Variants in RBMS3 observed in about 807,000 individuals in gnomAD.
RBMS3 encodes RNA-binding motif, single-stranded-interacting protein 3.
Under a neutral mutation model 66.8 loss-of-function variants are expected in RBMS3, and 27 were observed. The observed-to-expected ratio is 0.40, with a 90% CI of 0.30 to 0.56. The LOEUF (loss-of-function observed/expected upper bound fraction) is 0.56. Ranked by LOEUF, RBMS3 falls within the 20% of genes least tolerant of loss-of-function variation. The pLI is 0.40. For missense variants in RBMS3, 513 were observed against 549.5 expected, an observed-to-expected ratio of 0.93 and a Z score of 0.66; for synonymous variants, 188 against 183.0, an observed-to-expected ratio of 1.03 and a Z score of -0.22.
chr3:29,952,806 G>T (rs1695771853), intron 12 of RBMS3, among the ~76,000 whole-genome samples: 1 of 151,768 alleles, frequency 6.6e-6, no homozygotes, highest in African/African-American at 2.4e-5. Context: ...TTATGTGCCT[G>T]CTCTGAGTCT....
intron 3 of RBMS3, among the ~76,000 whole-genome samples, chr3:29,495,876 G>A (rs528153717): frequency 1.3e-5 from 2 of 152,222 alleles, no homozygotes; most frequent in East Asian, 3.9e-4. Context: ...GTGGTGAAAT[G>A]TTTAAGTGGA....
Position 29,884,235 on chromosome 3 carries a change from T to G in RBMS3, c.791+27T>G, listed in dbSNP as rs201888280. 22 of 1,573,074 alleles carry G rather than the reference T, an allele frequency of 1.4e-5. No individual in the cohort carries two copies. The African/African-American group carries it at 2.4e-4, about 17-fold the overall frequency. On this transcript the variant is annotated intron_variant, in intron 8 of 14. Coordinates refer to ENST00000383767, the MANE Select transcript of RBMS3 (RefSeq NM_001003793.3). The stretch of plus-strand genomic sequence containing the variant: ...TAAGTAGATCACATTTTCTCTATTT[T>G]AATTGTGAATAGATCTTTGAGCTCT...
chr3:30,007,872 A>G lies in RBMS3; in HGVS notation c.*4010A>G, dbSNP rs111228066. The G allele has an allele frequency of 5.2e-3, 793 of 152,126 alleles. 4 individuals are homozygous for G. Among genetic ancestry groups the G allele is most frequent in the African/African-American group, 0.018 (759 of 41,526 alleles). 9.4% of individuals were successfully genotyped at this position (152,126 alleles called of 1,614,324 possible). On this transcript the variant is annotated 3_prime_UTR_variant, in exon 15 of 15. Transcript: ENST00000383767. ...GCAGATCTGTCACATTTGAAAGCAT[A>G]TGACTCACTTCCACCCCCTTCTAAT... is the stretch of plus-strand genomic sequence containing the variant.
chr3:29,502,279 C>G (rs879368112), intron 3 of RBMS3, among the ~76,000 whole-genome samples: 1 of 152,014 alleles, frequency 6.6e-6, no homozygotes, highest in Non-Finnish European at 1.5e-5. Flanking sequence ...CATGAGGAAA[C>G]AAACCAGGAG....
intron 2 of RBMS3, among the ~76,000 whole-genome samples, chr3:29,478,376 T>G (rs2043020440): frequency 6.6e-6 from 1 of 152,146 alleles, no homozygotes; most frequent in Non-Finnish European, 1.5e-5. Flanking sequence ...AAATGGTGCC[T>G]TCCAGCTTTG....
intron 2 of RBMS3, among the ~76,000 whole-genome samples, chr3:29,445,913 T>C (rs555712419): frequency 1.3e-5 from 2 of 152,308 alleles, no homozygotes; most frequent in South Asian, 4.1e-4. Flanking sequence ...GTTTTAGTTT[T>C]TTAAGCCAAC....
chr3:29,788,877 T>A (rs1284552616), intron 6 of RBMS3, among the ~76,000 whole-genome samples: 1 of 152,162 alleles, frequency 6.6e-6, no homozygotes, highest in Non-Finnish European at 1.5e-5. Context: ...AAGTCCTGTA[T>A]CCCAACACCT....
intron 1 of RBMS3, among the ~76,000 whole-genome samples, chr3:29,313,792 G>T (rs941706406): frequency 6.6e-6 from 1 of 151,606 alleles, no homozygotes; most frequent in African/African-American, 2.4e-5. Context: ...TAGATGGATA[G>T]TATGCTTAAT....
chr3:29,936,220 T>C, intron 11 of RBMS3, 24 bp downstream of exon 11: 1 of 1,596,978 alleles, frequency 6.3e-7, no homozygotes, highest in Non-Finnish European at 8.6e-7. Flanking sequence ...ATTGTTTTGT[T>C]TCCTTGAACT....
intron 1 of RBMS3, among the ~76,000 whole-genome samples, chr3:29,408,576 A>AG (rs1203979534): frequency 6.6e-6 from 1 of 152,120 alleles, no homozygotes; most frequent in African/African-American, 2.4e-5. Context: ...CTGTACTTTT[A>AG]GGGGGGTTAT....
At chr3:29,632,724 G>C (rs982470667) in intron 4 of RBMS3, among the ~76,000 whole-genome samples, 1 of 151,812 alleles carries the variant, frequency 6.6e-6, no homozygotes, top group African/African-American at 2.4e-5. Context: ...TAACTTCTTT[G>C]AACGAGATTT....
chr3:29,633,298 T>C (rs987323859), intron 4 of RBMS3, among the ~76,000 whole-genome samples: 1 of 151,848 alleles, frequency 6.6e-6, no homozygotes, highest in African/African-American at 2.4e-5. Context: ...ATGGTAGAAT[T>C]TGGTTTTGTT....
At chr3:29,524,270 C>T (rs183722054) in intron 3 of RBMS3, among the ~76,000 whole-genome samples, 108 of 152,172 alleles carry the variant, frequency 7.1e-4, no homozygotes, top group African/African-American at 2.5e-3. Flanking sequence ...AAACTCAATA[C>T]CCCATAACAT....
chr3:29,506,341 G>A (rs1048753619), intron 3 of RBMS3, among the ~76,000 whole-genome samples: 2 of 151,732 alleles, frequency 1.3e-5, no homozygotes, highest in African/African-American at 4.8e-5. Flanking sequence ...ATTATCATAT[G>A]GTTTTTGTCC....
At chr3:29,944,304 G>C in intron 12 of RBMS3, 50 bp downstream of exon 12, 1 of 1,482,956 alleles carries the variant, frequency 6.7e-7, no homozygotes, top group Non-Finnish European at 9.4e-7. Flanking sequence ...GAGAGATGGA[G>C]GTTGCCTGGT....
At chr3:29,497,521 A>G (rs1576014465) in intron 3 of RBMS3, among the ~76,000 whole-genome samples, 1 of 152,286 alleles carries the variant, frequency 6.6e-6, no homozygotes, top group Non-Finnish European at 1.5e-5. Context: ...GTCGATAAAC[A>G]TAAAATGCTC....
chr3:29,649,034 TTC>T (rs2050048349), intron 4 of RBMS3, among the ~76,000 whole-genome samples: 2 of 152,222 alleles, frequency 1.3e-5, no homozygotes, highest in African/African-American at 4.8e-5. Context: ...TTTGTCCTCA[TTC>T]CCTGCTTCAG....
intron 4 of RBMS3, among the ~76,000 whole-genome samples, chr3:29,621,829 T>C (rs545616091): frequency 2.0e-5 from 3 of 152,176 alleles, no homozygotes; most frequent in Non-Finnish European, 2.9e-5. Flanking sequence ...TGAAAAGATA[T>C]CATATACCTG....
At chr3:29,401,393 C>A (rs2039802372) in intron 1 of RBMS3, among the ~76,000 whole-genome samples, 1 of 151,984 alleles carries the variant, frequency 6.6e-6, no homozygotes, top group African/African-American at 2.4e-5. Context: ...CTAGGCTGTC[C>A]CGCGTTTACA....
Sources: gnomAD v4.1 joint callset for allele counts (sites outside exome capture counted in the v4.1 genomes callset) on GRCh38, gnomAD v4.1.1 for gene constraint, MANE v1.5 for transcripts, NCBI Gene and HGNC (gene_info 2026-07-23, HGNC 2026-07-21) for gene names.